PDE1C: variants seen among roughly 807,000 people sequenced by gnomAD.
PDE1C encodes dual specificity calcium/calmodulin-dependent 3',5'-cyclic nucleotide phosphodiesterase 1C.
Under a neutral mutation model 93.1 loss-of-function variants are expected in PDE1C, and 62 were observed. That is an observed-to-expected ratio of 0.67 (90% CI 0.54 to 0.82). PDE1C has a LOEUF of 0.82. PDE1C is among the 40% of genes least tolerant of loss of function. PDE1C has a pLI of 0.00. For missense variants in PDE1C, 742 were observed against 884.6 expected, an observed-to-expected ratio of 0.84 and a Z score of 2.04; for synonymous variants, 325 against 310.1, an observed-to-expected ratio of 1.05 and a Z score of -0.50.
chr7:32,092,238 A>C (rs1454922838), intron 3 of PDE1C, among the ~76,000 whole-genome samples: 2 of 152,144 alleles, frequency 1.3e-5, no homozygotes, highest in African/African-American at 2.4e-5. Flanking sequence ...TTCCTTAAAG[A>C]GCATGTTTTT....
At chr7:31,842,610 T>C (rs569776101) in intron 9 of PDE1C, among the ~76,000 whole-genome samples, 1 of 152,272 alleles carries the variant, frequency 6.6e-6, no homozygotes, top group South Asian at 2.1e-4. Context: ...GTATTTCATA[T>C]GTATAGGATA....
chr7:32,165,033 CCTTTTT>C (rs1442045313), intron 3 of PDE1C, among the ~76,000 whole-genome samples: 2 of 152,208 alleles, frequency 1.3e-5, no homozygotes, highest in African/African-American at 2.4e-5. Flanking sequence ...GGTACCAAAG[CCTTTTT>C]CTTTATTTGT....
intron 2 of PDE1C, among the ~76,000 whole-genome samples, chr7:31,965,861 C>A (rs991267773): frequency 2.0e-5 from 3 of 152,116 alleles, no homozygotes; most frequent in South Asian, 4.1e-4. Flanking sequence ...CCAAACTAAG[C>A]TTCATAAGTG....
chr7:32,212,285 C>G (rs1319263517), intron 1 of PDE1C, among the ~76,000 whole-genome samples: 1 of 152,110 alleles, frequency 6.6e-6, no homozygotes, highest in Non-Finnish European at 1.5e-5. Context: ...ATAGCCACAT[C>G]TTCACTCAGC....
chr7:32,124,109 C>T (rs1474462162), intron 3 of PDE1C, among the ~76,000 whole-genome samples: 2 of 152,028 alleles, frequency 1.3e-5, no homozygotes, highest in Non-Finnish European at 2.9e-5. Flanking sequence ...TTCATAATTG[C>T]TACAAAGAGA....
At chr7:31,646,798 T>G in the PDE1C span, among the ~76,000 whole-genome samples, 1 of 152,164 alleles carries the variant, frequency 6.6e-6, no homozygotes. Flanking sequence ...TGAATGGGTG[T>G]GAGGGCCACC....
At chr7:32,032,425 C>T (rs1405235638) in intron 2 of PDE1C, among the ~76,000 whole-genome samples, 2 of 152,162 alleles carry the variant, frequency 1.3e-5, no homozygotes, top group African/African-American at 4.8e-5. Flanking sequence ...TGGGGCATAC[C>T]CTGCTCCTCA....
chr7:32,335,711 T>C (rs1783605266), intron 1 of PDE1C, among the ~76,000 whole-genome samples: 1 of 129,758 alleles, frequency 7.7e-6, no homozygotes, highest in South Asian at 2.5e-4. Context: ...TGTTTTTGTT[T>C]TTTTGTTTGT....
chr7:32,148,615 C>G (rs1452781153), intron 3 of PDE1C, among the ~76,000 whole-genome samples: 2 of 151,850 alleles, frequency 1.3e-5, no homozygotes, highest in Admixed American at 1.3e-4. Flanking sequence ...AAATTCAGTC[C>G]CTTTGTGACA....
intron 2 of PDE1C, among the ~76,000 whole-genome samples, chr7:31,965,484 G>T (rs1425619914): frequency 1.3e-5 from 2 of 152,174 alleles, no homozygotes; most frequent in Admixed American, 6.5e-5. Flanking sequence ...ACATCTGATT[G>T]GTGTACCTGA....
At chr7:31,799,667 A>T (rs1331768280) in intron 16 of PDE1C, among the ~76,000 whole-genome samples, 1 of 151,746 alleles carries the variant, frequency 6.6e-6, no homozygotes, top group Non-Finnish European at 1.5e-5. Flanking sequence ...GTGAAGAATT[A>T]TATAATGTAG....
intron 2 of PDE1C, among the ~76,000 whole-genome samples, chr7:32,193,147 C>G (rs1804353942): frequency 6.6e-6 from 1 of 152,046 alleles, no homozygotes; most frequent in South Asian, 2.1e-4. Flanking sequence ...TTAAATTTTT[C>G]TTTTCATCCC....
At chr7:31,867,136 C>T (rs1795400460) in intron 6 of PDE1C, among the ~76,000 whole-genome samples, 1 of 152,064 alleles carries the variant, frequency 6.6e-6, no homozygotes, top group Admixed American at 6.6e-5. Flanking sequence ...CTGTTGCCTC[C>T]AGGGATGAAG....
chr7:31,626,745 G>C, the PDE1C span, among the ~76,000 whole-genome samples: 1 of 152,124 alleles, frequency 6.6e-6, no homozygotes, highest in African/African-American at 2.4e-5. Context: ...CTTTATAAGG[G>C]CTACTACTAC....
intron 2 of PDE1C, among the ~76,000 whole-genome samples, chr7:32,188,927 C>T (rs567170902): frequency 6.6e-6 from 1 of 152,266 alleles, no homozygotes; most frequent in East Asian, 1.9e-4. Context: ...AAGAATAAGA[C>T]TAACATTTGT....
intron 1 of PDE1C, among the ~76,000 whole-genome samples, chr7:32,377,917 C>G (rs1157222813): frequency 6.6e-6 from 1 of 152,172 alleles, no homozygotes; most frequent in Non-Finnish European, 1.5e-5. Context: ...GGCCCATGGA[C>G]TGGGATTGTG....
chr7:32,284,373 A>G (rs1811868030), intron 1 of PDE1C, among the ~76,000 whole-genome samples: 1 of 152,188 alleles, frequency 6.6e-6, no homozygotes, highest in Non-Finnish European at 1.5e-5. Flanking sequence ...CTCACCTATA[A>G]ACTGAGAATA....
At chr7:32,298,581 G>A (rs1208705421) in intron 1 of PDE1C, 40 of 1,522,882 alleles carry the variant, frequency 2.6e-5, no homozygotes, top group Non-Finnish European at 3.6e-5. Context: ...CGCTTAGAAA[G>A]GAACTCTGAC....
the PDE1C span, among the ~76,000 whole-genome samples, chr7:31,712,621 G>T: frequency 4.6e-5 from 7 of 152,186 alleles, no homozygotes; most frequent in Non-Finnish European, 8.8e-5. Flanking sequence ...TGGTGTCATG[G>T]CTTCAGAATG....
Sources: gnomAD v4.1 joint callset for allele counts (sites outside exome capture counted in the v4.1 genomes callset) on GRCh38, gnomAD v4.1.1 for gene constraint, MANE v1.5 for transcripts, NCBI Gene and HGNC (gene_info 2026-07-23, HGNC 2026-07-21) for gene names.